Variants in CAMKMT observed in about 807,000 individuals in gnomAD.
CAMKMT encodes the protein CaM KMT.
CAMKMT carries 53 observed loss-of-function variants against 48.0 expected under a neutral mutation model. The ratio of observed to expected loss-of-function variants is 1.10; its 90% CI spans 0.89 to 1.39. The LOEUF (loss-of-function observed/expected upper bound fraction) is 1.39, where lower values mean the gene tolerates loss of function less well. CAMKMT is among the 40% of genes most tolerant of loss of function. CAMKMT has a pLI of 0.00. For synonymous variants in CAMKMT, 165 were observed against 152.3 expected, an observed-to-expected ratio of 1.08 and a Z score of -0.61; for missense variants, 428 against 402.7, an observed-to-expected ratio of 1.06 and a Z score of -0.54.
intron 3 of CAMKMT, among the ~76,000 whole-genome samples, chr2:44,603,478 C>G (rs1671117176): frequency 6.6e-6 from 1 of 152,142 alleles, no homozygotes; most frequent in Non-Finnish European, 1.5e-5. Flanking sequence ...TGCCACACAA[C>G]AAAATACCCC....
chr2:44,611,802 G>A (rs1671613446), intron 3 of CAMKMT, among the ~76,000 whole-genome samples: 2 of 151,926 alleles, frequency 1.3e-5, no homozygotes, highest in Admixed American at 1.3e-4. Flanking sequence ...ATGGTGGAAG[G>A]TGAAGGGGAG....
chr2:44,710,013 A>C (rs575121756), intron 6 of CAMKMT, among the ~76,000 whole-genome samples: 12 of 152,154 alleles, frequency 7.9e-5, no homozygotes, highest in African/African-American at 2.6e-4. Context: ...CATTTTAAAA[A>C]TTATTTTTTT....
intron 3 of CAMKMT, among the ~76,000 whole-genome samples, chr2:44,398,733 G>C (rs1682091653): frequency 1.4e-5 from 1 of 72,550 alleles, no homozygotes; most frequent in Non-Finnish European, 2.8e-5. Context: ...TCAACTAAAA[G>C]GATGTTCTTG....
Position 44,592,735 on chromosome 2 carries a change from G to A in CAMKMT, c.377-111548G>A, listed in dbSNP as rs371623287. ...ATTTCAGGCATCCACTAGGACCTTG[G>A]CTTGTATCCCCCAAGGATAAGGGAG... On this transcript the variant is annotated intron_variant, in intron 3 of 10. Transcript: ENST00000378494. 1.5e-3 allele frequency among the ~76,000 whole-genome samples: 231 copies of A among 152,250 alleles called. 3 individuals are homozygous for A. Among genetic ancestry groups the A allele is most frequent in the South Asian group, 5.4e-3 (26 of 4,816 alleles).
chr2:44,722,176 CTTTTT>C (rs11323950), intron 7 of CAMKMT, among the ~76,000 whole-genome samples: 1 of 115,458 alleles, frequency 8.7e-6, no homozygotes. Context: ...TTTCTTTTTT[CTTTTT>C]TTTTTTTTTT....
In CAMKMT at chr2:44,539,629, G is replaced by C. The variant is rs150544264; in HGVS notation, c.376+149324G>C. Among the ~76,000 whole-genome samples the C allele has an allele frequency of 3.2e-3, 490 of 152,102 alleles. 1 individual carries two copies. The highest frequency in any genetic ancestry group is 0.011 in the African/African-American group (466 of 41,478). On this transcript the variant is annotated intron_variant, in intron 3 of 10. Transcript: ENST00000378494. ...ATCATGCCTTTCCTTTGCTTGTTGT[G>C]TCTATTTACTCTCTTTTAACTTTGA...
intron 7 of CAMKMT, among the ~76,000 whole-genome samples, chr2:44,723,132 A>G (rs1396575914): frequency 6.6e-6 from 1 of 152,154 alleles, no homozygotes; most frequent in Non-Finnish European, 1.5e-5. Flanking sequence ...TTGTTATGAC[A>G]CATTCTAGAT....
chr2:44,594,056 C>T (rs758068776), intron 3 of CAMKMT, among the ~76,000 whole-genome samples: 1 of 151,606 alleles, frequency 6.6e-6, no homozygotes, highest in Non-Finnish European at 1.5e-5. Flanking sequence ...AGCCACCATG[C>T]CTGGCAATTG....
At chr2:44,544,620 C>G (rs1236089276) in intron 3 of CAMKMT, among the ~76,000 whole-genome samples, 1 of 152,176 alleles carries the variant, frequency 6.6e-6, no homozygotes, top group Non-Finnish European at 1.5e-5. Flanking sequence ...AACCATTATC[C>G]AGTGCTAACA....
intron 3 of CAMKMT, among the ~76,000 whole-genome samples, chr2:44,428,681 ATATG>A (rs901916321): frequency 8.5e-5 from 13 of 152,186 alleles, no homozygotes; most frequent in African/African-American, 1.2e-4. Context: ...TGTATATTTT[ATATG>A]TATGTATGTC....
chr2:44,579,550 A>G (rs931773234), intron 3 of CAMKMT, among the ~76,000 whole-genome samples: 1 of 152,222 alleles, frequency 6.6e-6, no homozygotes, highest in Non-Finnish European at 1.5e-5. Flanking sequence ...TGAAAAAGAC[A>G]TTTAACAGCA....
intron 3 of CAMKMT, among the ~76,000 whole-genome samples, chr2:44,666,843 C>T (rs553943970): frequency 1.5e-4 from 23 of 152,226 alleles, no homozygotes; most frequent in South Asian, 6.2e-4. Context: ...CTCCTGACCT[C>T]GTGATCTGCC....
chr2:44,710,899 C>T (rs887050191), intron 6 of CAMKMT, among the ~76,000 whole-genome samples: 1 of 152,208 alleles, frequency 6.6e-6, no homozygotes, highest in African/African-American at 2.4e-5. Flanking sequence ...GCAGAAAATT[C>T]CAATGTTTGG....
intron 3 of CAMKMT, among the ~76,000 whole-genome samples, chr2:44,514,074 C>T (rs1670711028): frequency 6.7e-6 from 1 of 149,766 alleles, no homozygotes; most frequent in Non-Finnish European, 1.5e-5. Flanking sequence ...TACACTCTAG[C>T]CTGGGTGACA....
At chr2:44,753,656 T>C (rs993264342) in intron 8 of CAMKMT, among the ~76,000 whole-genome samples, 2 of 152,202 alleles carry the variant, frequency 1.3e-5, no homozygotes, top group Non-Finnish European at 2.9e-5. Flanking sequence ...TGGTGGTTTG[T>C]GGTCTGAGGG....
At chr2:44,388,986 C>T (rs371019728) in intron 2 of CAMKMT, among the ~76,000 whole-genome samples, 1 of 152,136 alleles carries the variant, frequency 6.6e-6, no homozygotes, top group African/African-American at 2.4e-5. Context: ...TGGTTGACCT[C>T]CTGCTGGGAG....
At chr2:44,751,673 C>T (rs954314205) in intron 8 of CAMKMT, among the ~76,000 whole-genome samples, 2 of 152,206 alleles carry the variant, frequency 1.3e-5, no homozygotes, top group African/African-American at 4.8e-5. Flanking sequence ...TAAGGACAGG[C>T]ATAGTGCCCC....
intron 3 of CAMKMT, among the ~76,000 whole-genome samples, chr2:44,570,245 A>G (rs1385678971): frequency 6.6e-6 from 1 of 152,200 alleles, no homozygotes; most frequent in Admixed American, 6.5e-5. Flanking sequence ...AACTCTATTC[A>G]ATAAATGCCT....
At chr2:44,448,233 G>C (rs1162329652) in intron 3 of CAMKMT, among the ~76,000 whole-genome samples, 1 of 151,988 alleles carries the variant, frequency 6.6e-6, no homozygotes, top group Non-Finnish European at 1.5e-5. Context: ...TTACGCACGG[G>C]TTTGCATCTG....
Sources: gnomAD v4.1 joint callset for allele counts (sites outside exome capture counted in the v4.1 genomes callset) on GRCh38, gnomAD v4.1.1 for gene constraint, MANE v1.5 for transcripts, NCBI Gene and HGNC (gene_info 2026-07-23, HGNC 2026-07-21) for gene names.